Variants in TPO observed in about 807,000 individuals in gnomAD.
The protein encoded by TPO is thyroid peroxidase, also known as thyroid microsomal antigen.
In TPO, 78 loss-of-function variants were observed where a neutral mutation model predicts 96.9. The ratio of observed to expected loss-of-function variants is 0.81; its 90% CI spans 0.67 to 0.97. The LOEUF is 0.97. Ranked by LOEUF, TPO falls within the 50% of genes least tolerant of loss-of-function variation. The pLI, the probability that TPO is intolerant of heterozygous loss-of-function variation, is 0.00. For synonymous variants in TPO, 547 were observed against 538.0 expected (o/e 1.02, Z -0.23); for missense variants, 1,252 against 1,274.8 (o/e 0.98, Z 0.27).
In TPO at chr2:1,493,848, C is replaced by G; in HGVS notation, c.1815C>G (p.Thr605=). ...REFCGLPRLE[T]PADLSTAIAS... is the part of the protein sequence containing the mutation. ...TCTGCGGCCTGCCTCGCCTGGAGAC[C>G]CCCGCTGACCTGAGCACAGCCATCG... The change falls in exon 11 of 17, where the codon ACC becomes ACG. Residue 605 remains threonine (T), a synonymous_variant. Coordinates refer to ENST00000329066, the MANE Select transcript of TPO (RefSeq NM_001206744.2). The G allele has an allele frequency of 6.2e-7, 1 of 1,614,130 alleles. No homozygotes were observed. Among genetic ancestry groups the G allele is most frequent in the Non-Finnish European group, 8.5e-7 (1 of 1,180,014 alleles).
chr2:1,509,839 G>A (rs1261440709), intron 14 of TPO, among the ~76,000 whole-genome samples: 1 of 146,756 alleles, frequency 6.8e-6, no homozygotes, highest in Non-Finnish European at 1.5e-5. Flanking sequence ...CTTGTTTCAG[G>A]CACACACACC....
intron 5 of TPO, among the ~76,000 whole-genome samples, chr2:1,437,826 C>G (rs1665736104): frequency 9.8e-6 from 1 of 101,686 alleles, no homozygotes; most frequent in Admixed American, 9.1e-5. Context: ...CCCCTCCTGC[C>G]CTGAAGCCTG....
At chr2:1,519,705 C>G (rs780359217) in intron 15 of TPO, among the ~76,000 whole-genome samples, 3 of 152,192 alleles carry the variant, frequency 2.0e-5, no homozygotes, top group Non-Finnish European at 4.4e-5. Context: ...TTAGCTGGTT[C>G]TGTAATTAGA....
Position 1,484,601 on chromosome 2 carries a change from C to T in TPO, c.1344C>T (p.Ile448=), listed in dbSNP as rs1387574460. 1 of 1,614,142 alleles carries T rather than the reference C, an allele frequency of 6.2e-7. No homozygotes were observed. The highest frequency in any genetic ancestry group is 1.1e-5 in the South Asian group (1 of 91,086). Residue 448 remains isoleucine, a synonymous_variant, in exon 9 of 17, where the codon ATC becomes ATT. Transcript: ENST00000329066. ...TGCTTTTCCTATCTGCACAGATCAT[C>T]ACCCTGAGGGATTACATCCCCAGGA... ...RKVVGALHQI[I]TLRDYIPRIL... is the part of the protein sequence containing the mutation.
chr2:1,527,909 C>G (rs1419536259), intron 15 of TPO, among the ~76,000 whole-genome samples: 2 of 93,362 alleles, frequency 2.1e-5, no homozygotes, highest in African/African-American at 7.7e-5. Flanking sequence ...CTCCTCAAAT[C>G]CCCCCAATGT....
chr2:1,519,066 A>C, intron 15 of TPO, among the ~76,000 whole-genome samples: 1 of 152,168 alleles, frequency 6.6e-6, no homozygotes, highest in East Asian at 1.9e-4. Context: ...GGTTTCTCTA[A>C]GCTGGGGCCT....
intron 14 of TPO, among the ~76,000 whole-genome samples, chr2:1,506,863 T>C (rs1002189273): frequency 1.3e-5 from 2 of 152,244 alleles, no homozygotes; most frequent in Non-Finnish European, 2.9e-5. Flanking sequence ...TAGTTTCTTT[T>C]GCTGTGCAGA....
rs192766858 is a variant in TPO, at chr2:1,541,357, A to G, written c.2748+634A>G. ...TCGCATGTTTCAAAATTGCTAAAAC[A>G]ATAGGTTTTTTTTTTTTTGAGATAG... On this transcript the variant is annotated intron_variant, in intron 16 of 16. Transcript: ENST00000329066. The G allele has an allele frequency of 5.3e-5, 14 of 262,624 alleles. No homozygotes were observed. In the East Asian group the frequency reaches 1.6e-3, roughly 30 times the overall value. The allele number at this position is 262,624 out of a possible 1,614,324, so 16.3% of individuals were successfully genotyped here. A position where few individuals can be genotyped will look rare whatever the true frequency, so the allele number is the denominator to read the frequency against.
At chr2:1,419,184 C>T (rs576051624) in intron 2 of TPO, among the ~76,000 whole-genome samples, 44 of 152,280 alleles carry the variant, frequency 2.9e-4, no homozygotes, top group African/African-American at 6.5e-4. Flanking sequence ...CTTGAGAAGG[C>T]GCAGGCAGAG....
Position 1,394,481 on chromosome 2 carries a change from G to A in TPO, n.180+20079G>A, listed in dbSNP as rs190635344. 5.3e-5 allele frequency among the ~76,000 whole-genome samples: 8 copies of A among 152,296 alleles called. No homozygotes were observed. The East Asian group carries it at 1.4e-3, about 26-fold the overall frequency. On this transcript the variant is annotated intron_variant and non_coding_transcript_variant, in intron 1 of 5. Coordinates refer to the TPO transcript ENST00000497517. Reference sequence around the variant, plus strand: ...GGATTCTCTGAATAGGATGTGGAATGGTCAGGCAGGTGCCTGGATCCAGAC... The same window carrying A: ...GGATTCTCTGAATAGGATGTGGAATAGTCAGGCAGGTGCCTGGATCCAGAC...
At position 1,503,032 on chromosome 2, in the gene TPO, C is replaced by T. The variant is rs543105852; in HGVS notation, c.2387-916C>T. Among the ~76,000 whole-genome samples, 68 of 152,354 alleles carry T rather than the reference C, an allele frequency of 4.5e-4. No homozygotes were observed. In the South Asian group the frequency reaches 0.013, roughly 30 times the overall value. On this transcript the variant is annotated intron_variant, in intron 13 of 16. Coordinates refer to ENST00000329066, the MANE Select transcript of TPO (RefSeq NM_001206744.2). ...ACTGCCCAGGTTCGCACATTCTCAT[C>T]GTCCTGGGGTGGCCGAGTCGGGGAC... is the stretch of plus-strand genomic sequence containing the variant.
intron 5 of TPO, among the ~76,000 whole-genome samples, chr2:1,445,329 C>T: frequency 1.1e-5 from 1 of 89,168 alleles, no homozygotes; most frequent in African/African-American, 4.4e-5. Context: ...TTGTATGATC[C>T]AGTCATTGCT....
chr2:1,524,060 A>C (rs116706721), intron 15 of TPO, among the ~76,000 whole-genome samples: 155 of 33,626 alleles, frequency 4.6e-3, no homozygotes, highest in South Asian at 6.9e-3. Context: ...TGTGGGCAAC[A>C]ACACCAAATC....
intron 15 of TPO, among the ~76,000 whole-genome samples, chr2:1,520,791 C>T (rs1442091711): frequency 6.6e-6 from 1 of 152,198 alleles, no homozygotes; most frequent in Non-Finnish European, 1.5e-5. Context: ...TTCTTTGGTC[C>T]ATGTCAGTTT....
At chr2:1,434,343 A>G (rs1665341502) in intron 4 of TPO, among the ~76,000 whole-genome samples, 2 of 152,240 alleles carry the variant, frequency 1.3e-5, no homozygotes, top group Admixed American at 1.3e-4. Context: ...AACTAGCTAT[A>G]GATCAATTTG....
At chr2:1,434,722 T>G (rs1665383912) in intron 4 of TPO, among the ~76,000 whole-genome samples, 2 of 152,238 alleles carry the variant, frequency 1.3e-5, no homozygotes, top group African/African-American at 4.8e-5. Context: ...GGCTATAATG[T>G]AGAACTTAAG....
chr2:1,503,055 G>T (rs1673032854), intron 13 of TPO, among the ~76,000 whole-genome samples: 1 of 152,218 alleles, frequency 6.6e-6, no homozygotes, highest in African/African-American at 2.4e-5. Context: ...CCGAGTCGGG[G>T]ACCAAGACCC....
rs181414399 is a variant in TPO, at chr2:1,543,206, G to A, written c.*732G>A. ...GTCTCGGGGGCACCGTTAGCCACGC[G>A]ACCCTGTAAAGCTGCCGTCCTCATT... On this transcript the variant is annotated 3_prime_UTR_variant, in exon 17 of 17. Transcript: ENST00000329066. The A allele has an allele frequency of 1.3e-5, 2 of 152,422 alleles. No homozygotes were observed. The highest frequency in any genetic ancestry group is 6.5e-5 in the Admixed American group (1 of 15,314). 9.4% of individuals were successfully genotyped at this position (152,422 alleles called of 1,614,324 possible). A position where few individuals can be genotyped will look rare whatever the true frequency, so the allele number is the denominator to read the frequency against.
rs373792409 is a variant in TPO at position 1,518,153 on chromosome 2, C to G, written c.2618+1171C>G. Among the ~76,000 whole-genome samples the G allele has an allele frequency of 4.3e-4, 66 of 152,314 alleles. No homozygotes were observed. In the South Asian group the frequency reaches 0.013, roughly 31 times the overall value. On this transcript the variant is annotated intron_variant, in intron 15 of 16. Coordinates refer to ENST00000329066, the MANE Select transcript of TPO (RefSeq NM_001206744.2). ...TATCTATGGATTATCCAGGACTTTC[C>G]CACTCTAAGGCCATCTTCCAGGGTG...
Sources: allele counts gnomAD v4.1 joint callset (sites outside exome capture counted in the v4.1 genomes callset), GRCh38; gene constraint gnomAD v4.1.1; transcripts MANE v1.5; gene names NCBI Gene and HGNC (gene_info 2026-07-23, HGNC 2026-07-21).